PTPA: variants seen among roughly 807,000 people sequenced by gnomAD.
The protein encoded by PTPA is protein phosphatase 2 phosphatase activator.
A neutral mutation model predicts 43.6 loss-of-function variants in PTPA; 13 were observed. The ratio of observed to expected loss-of-function variants is 0.30; its 90% CI spans 0.19 to 0.47. The LOEUF (loss-of-function observed/expected upper bound fraction) is 0.47. Among genes scored for constraint, PTPA ranks in the 20% least tolerant of loss-of-function variants. The pLI is 0.99. For missense variants in PTPA, 329 were observed against 411.9 expected (o/e 0.80, Z 1.74); for synonymous variants, 172 against 158.2 (o/e 1.09, Z -0.66).
At chr9:129,138,370 C>T (rs1850522529) in intron 8 of PTPA, among the ~76,000 whole-genome samples, 1 of 152,312 alleles carries the variant, frequency 6.6e-6, no homozygotes, top group Admixed American at 6.5e-5. Context: ...GGCCCTCCAT[C>T]CCAGCTTATT....
chr9:129,139,537 A>C (rs567222697), intron 8 of PTPA: 1 of 152,280 alleles, frequency 6.6e-6, no homozygotes, highest in Admixed American at 6.5e-5. Context: ...GGCTGCAGCA[A>C]GGGCCCATCT....
At chr9:129,122,667 A>G (rs1359761909) in intron 2 of PTPA, among the ~76,000 whole-genome samples, 1 of 152,228 alleles carries the variant, frequency 6.6e-6, no homozygotes, top group African/African-American at 2.4e-5. Flanking sequence ...TCCTAGCTCC[A>G]TGTCTAATGA....
At chr9:129,144,550 AAC>A (rs1257046107) in intron 9 of PTPA, among the ~76,000 whole-genome samples, 2 of 151,454 alleles carry the variant, frequency 1.3e-5, no homozygotes, top group Non-Finnish European at 2.9e-5. Context: ...CATCCTGGCT[AAC>A]ACAGTGAAAC....
Position 129,147,546 on chromosome 9 carries a change from C to G in PTPA, c.*82C>G, listed in dbSNP as rs1851385774. On this transcript the variant is annotated 3_prime_UTR_variant, in exon 10 of 10. Transcript: ENST00000393370. Reference sequence around the variant, plus strand: ...CCCAGCAGTGGCCCCTCCCCATCCCCTCCCTCTGTTCGTCCCGTTTGATGA... The same window carrying G: ...CCCAGCAGTGGCCCCTCCCCATCCCGTCCCTCTGTTCGTCCCGTTTGATGA... The G allele has an allele frequency of 7.1e-7, 1 of 1,411,776 alleles. No homozygotes were observed. The highest frequency in any genetic ancestry group is 1.2e-5 in the South Asian group (1 of 84,508). The allele number at this position is 1,411,776 out of a possible 1,614,324, so 87.5% of individuals were successfully genotyped here.
intron 1 of PTPA, among the ~76,000 whole-genome samples, chr9:129,115,467 C>A (rs916690694): frequency 6.6e-6 from 1 of 152,182 alleles, no homozygotes; most frequent in African/African-American, 2.4e-5. Context: ...CCTCTCCAGA[C>A]AGGCTCTATT....
chr9:129,136,010 C>G (rs1042191899), intron 6 of PTPA, among the ~76,000 whole-genome samples: 1 of 152,268 alleles, frequency 6.6e-6, no homozygotes, highest in Admixed American at 6.5e-5. Context: ...CTCTGTCGCC[C>G]AGGCTGGAGT....
intron 9 of PTPA, chr9:129,143,326 TC>T: frequency 1.4e-6 from 1 of 703,100 alleles, no homozygotes; most frequent in South Asian, 1.5e-5. Context: ...GATGTGAAGT[TC>T]CACACCTGGA....
chr9:129,124,774 C>T (rs1372088417), intron 3 of PTPA, among the ~76,000 whole-genome samples: 2 of 152,246 alleles, frequency 1.3e-5, no homozygotes, highest in Non-Finnish European at 2.9e-5. Context: ...CTACCCAGCT[C>T]TCTAGCCACA....
chr9:129,126,455 C>T (rs1849585823), intron 3 of PTPA, among the ~76,000 whole-genome samples: 1 of 152,086 alleles, frequency 6.6e-6, no homozygotes. Flanking sequence ...GCTGGGATTA[C>T]AGACGTGAGC....
In PTPA at chr9:129,148,087, C is replaced by G. The variant is rs17459361; in HGVS notation, c.*623C>G. ...ACCCTGCCCCCTGGGCCTGAGGCCC[C>G]CTGTGTCCAAGCCTCCCCCTGGCTC... is the stretch of plus-strand genomic sequence containing the variant. On this transcript the variant is annotated 3_prime_UTR_variant, in exon 10 of 10. Transcript: ENST00000393370. 0.023 allele frequency: 3,493 copies of G among 154,452 alleles called. 127 individuals are homozygous for G. The highest frequency in any genetic ancestry group is 0.1 in the Admixed American group (1,603 of 15,460). 9.6% of individuals were successfully genotyped at this position (154,452 alleles called of 1,614,324 possible).
Position 129,127,900 on chromosome 9 carries a change from G to A in PTPA, c.217-1085G>A, listed in dbSNP as rs1036210453. On this transcript the variant is annotated intron_variant, in intron 3 of 9. Transcript: ENST00000393370. Reference sequence around the variant, plus strand: ...AGTGAGGAATTAAATTAATTATAATGCAGTGGCACGATGAAATGTTATTCA... The same window carrying A: ...AGTGAGGAATTAAATTAATTATAATACAGTGGCACGATGAAATGTTATTCA... The A allele has an allele frequency of 2.8e-6, 3 of 1,067,756 alleles. No homozygotes were observed. The African/African-American group carries it at 4.9e-5, about 17-fold the overall frequency. 66.1% of individuals were successfully genotyped at this position (1,067,756 alleles called of 1,614,324 possible). A position where few individuals can be genotyped will look rare whatever the true frequency, so the allele number is the denominator to read the frequency against.
Position 129,147,540 on chromosome 9 carries a change from C to A in PTPA, c.*76C>A. ...CCCCACCCCAGCAGTGGCCCCTCCC[C>A]ATCCCCTCCCTCTGTTCGTCCCGTT... On this transcript the variant is annotated 3_prime_UTR_variant, in exon 10 of 10. Coordinates refer to ENST00000393370, the MANE Select transcript of PTPA (RefSeq NM_178000.3). 7.0e-7 allele frequency: 1 copy of A among 1,431,840 alleles called. No homozygotes were observed. The highest frequency in any genetic ancestry group is 2.3e-5 in the East Asian group (1 of 43,206). The allele number at this position is 1,431,840 out of a possible 1,614,324, so 88.7% of individuals were successfully genotyped here. A position where few individuals can be genotyped will look rare whatever the true frequency, so the allele number is the denominator to read the frequency against.
chr9:129,111,555 C>T lies in PTPA; in HGVS notation c.-46C>T, dbSNP rs1230995798. 6 of 1,289,462 alleles carry T rather than the reference C, an allele frequency of 4.7e-6. No individual in the cohort carries two copies. The highest frequency in any genetic ancestry group is 5.9e-6 in the Non-Finnish European group (6 of 1,010,222). The allele number at this position is 1,289,462 out of a possible 1,614,324, so 79.9% of individuals were successfully genotyped here. A position where few individuals can be genotyped will look rare whatever the true frequency, so the allele number is the denominator to read the frequency against. ...GAAGGGTGGGTGCAAGAGTGAAAGG[C>T]GAGAGGGGACTGCAAGCATCCGGGT... On this transcript the variant is annotated 5_prime_UTR_variant, in exon 1 of 10. Transcript: ENST00000393370.
intron 1 of PTPA, among the ~76,000 whole-genome samples, chr9:129,117,035 C>G (rs1848922814): frequency 6.6e-6 from 1 of 152,080 alleles, no homozygotes; most frequent in South Asian, 2.1e-4. Flanking sequence ...TACACATCAT[C>G]TTATCAACTG....
At chr9:129,118,221 T>C (rs1849022242) in intron 1 of PTPA, among the ~76,000 whole-genome samples, 1 of 151,398 alleles carries the variant, frequency 6.6e-6, no homozygotes, top group Admixed American at 6.6e-5. Flanking sequence ...ACTTGGCTAA[T>C]TTTTGTATTT....
At chr9:129,139,959 TCA>T (rs914388003) in intron 8 of PTPA, 4 of 152,358 alleles carry the variant, frequency 2.6e-5, no homozygotes, top group Admixed American at 2.0e-4. Flanking sequence ...GAAAAGAATT[TCA>T]GTTTCAATCT....
intron 9 of PTPA, chr9:129,143,391 A>G: frequency 1.4e-6 from 1 of 702,982 alleles, no homozygotes. Flanking sequence ...CCTTGTGACT[A>G]GTTCATGGCC....
upstream of PTPA, chr9:129,111,075 CCTAA>C (rs773288034): frequency 3.7e-6 from 5 of 1,365,346 alleles, no homozygotes; most frequent in Admixed American, 1.9e-5. Context: ...TGTCCTTGAG[CCTAA>C]CTCTTAGAGT....
chr9:129,144,294 A>G (rs973365573), intron 9 of PTPA, among the ~76,000 whole-genome samples: 1 of 152,172 alleles, frequency 6.6e-6, no homozygotes, highest in East Asian at 1.9e-4. Flanking sequence ...GGTGGCAAAC[A>G]CAAAGAGGAC....
Sources: gnomAD v4.1 joint callset for allele counts (sites outside exome capture counted in the v4.1 genomes callset) on GRCh38, gnomAD v4.1.1 for gene constraint, MANE v1.5 for transcripts, NCBI Gene and HGNC (gene_info 2026-07-23, HGNC 2026-07-21) for gene names.